Variants in TSC1 observed in about 807,000 individuals in gnomAD.
The protein encoded by TSC1 is TSC complex subunit 1, also known as hamartin.
A neutral mutation model predicts 124.3 loss-of-function variants in TSC1; 20 were observed. The observed-to-expected ratio is 0.16, with a 90% CI of 0.11 to 0.23. The LOEUF (loss-of-function observed/expected upper bound fraction) is 0.23. TSC1 is among the 10% of genes least tolerant of loss of function. The pLI is 1.00. For synonymous variants in TSC1, 493 were observed against 539.1 expected (o/e 0.91, Z 1.19); for missense variants, 1,124 against 1,448.5 (o/e 0.78, Z 3.64).
At chr9:132,901,788 G>C (rs1845387448) in intron 18 of TSC1, 89 bp from the exon 19 acceptor site, 4 of 1,148,058 alleles carry the variant, frequency 3.5e-6, no homozygotes, top group Admixed American at 3.5e-5. Context: ...AGAGGACTGG[G>C]AATGCCTTAG....
chr9:132,911,762 A>G (rs1371808700), intron 9 of TSC1, among the ~76,000 whole-genome samples, 194 bp from the exon 10 acceptor site: 1 of 152,134 alleles, frequency 6.6e-6, no homozygotes, highest in African/African-American at 2.4e-5. Flanking sequence ...GAGTTTCTCT[A>G]AATGCTCCTT....
chr9:132,916,973 T>C (rs1846297722), intron 8 of TSC1, among the ~76,000 whole-genome samples: 1 of 152,196 alleles, frequency 6.6e-6, no homozygotes, highest in Non-Finnish European at 1.5e-5. Flanking sequence ...AGGAAGGACA[T>C]ATGGGAAGGA....
At chr9:132,927,155 T>C (rs747930951) in intron 4 of TSC1, 46 bp downstream of exon 4, 10 of 1,579,888 alleles carry the variant, frequency 6.3e-6, no homozygotes, top group Non-Finnish European at 8.7e-6. Context: ...GAAGCTGTTG[T>C]ACTCATGAAG....
rs116518821 is a variant in TSC1 at position 132,902,571 on chromosome 9, C to A, written c.2391+34G>T. The A allele has an allele frequency of 1.2e-6, 2 of 1,612,814 alleles. No homozygotes were observed. The highest frequency in any genetic ancestry group is 1.1e-5 in the South Asian group (1 of 91,006). On this transcript the variant is annotated intron_variant, in intron 18 of 22. Transcript: ENST00000298552. This position sits in a 1 kb window ranked among gnomAD's most constrained non-coding sequence, Gnocchi z 5.2. ...CCTCCCCACTGCTCTCCGGCATTCT[C>A]GCAGTTGGCTTTGCCTGGTGCTGCA... is the stretch of plus-strand genomic sequence containing the variant.
At chr9:132,916,076 C>A (rs762173047) in intron 8 of TSC1, among the ~76,000 whole-genome samples, 13 of 152,194 alleles carry the variant, frequency 8.5e-5, no homozygotes, top group Non-Finnish European at 1.5e-4. Flanking sequence ...GTAATTTATG[C>A]ACTTACAGTA....
rs757329817 is a variant in TSC1 at position 132,902,811 on chromosome 9, C to A, written c.2209-24G>T. On this transcript the variant is annotated intron_variant, in intron 17 of 22. Transcript: ENST00000298552. This position sits in a 1 kb window ranked among gnomAD's most constrained non-coding sequence, Gnocchi z 5.2. ...TTCTAGCAGAGACCAGAAATGTCATCATTTTAGCTGTCTTCCAACACAGGC... is the reference window on the plus strand; with the variant it reads ...TTCTAGCAGAGACCAGAAATGTCATAATTTTAGCTGTCTTCCAACACAGGC... 3.0e-5 allele frequency: 48 copies of A among 1,612,348 alleles called. No individual in the cohort carries two copies. The Admixed American group carries it at 7.5e-4, about 25-fold the overall frequency.
intron 1 of TSC1, chr9:132,939,239 G>GTAGGA (rs1847616543): frequency 6.6e-6 from 1 of 152,202 alleles, no homozygotes; most frequent in Non-Finnish European, 1.5e-5. Flanking sequence ...TCTAAAAAGG[G>GTAGGA]TAAGATACTT....
chr9:132,903,716 G>T lies in TSC1; in HGVS notation c.2143C>A (p.Arg715=), dbSNP rs1564478519. ...ERFKRQQHAL[R]NRRLLRKVIK... ...ACCTTGCGGAGGAGCCGCCTGTTCC[G>T]GAGGGCATGCTGCTGCCTCTTAAAA... Residue 715 remains arginine (R), a synonymous_variant, in exon 17 of 23, where the codon CGG becomes AGG. Coordinates refer to ENST00000298552, the MANE Select transcript of TSC1 (RefSeq NM_000368.5). The surrounding 1 kb of genome is among the most constrained non-coding windows in gnomAD (Gnocchi z 5.9). 2.5e-6 allele frequency: 4 copies of T among 1,613,202 alleles called. No individual in the cohort carries two copies. The South Asian group carries it at 4.4e-5, about 18-fold the overall frequency.
chr9:132,912,139 G>A (rs113116241), intron 9 of TSC1, 143 bp downstream of exon 9: 141 of 927,210 alleles, frequency 1.5e-4, no homozygotes, highest in African/African-American at 1.3e-3. Flanking sequence ...AGAAAATGGA[G>A]GGACATGCAA....
At chr9:132,919,256 G>A (rs1846417341) in intron 8 of TSC1, among the ~76,000 whole-genome samples, 1 of 152,210 alleles carries the variant, frequency 6.6e-6, no homozygotes, top group Non-Finnish European at 1.5e-5. Context: ...TGACTGAAAT[G>A]TCATTATGTG....
At chr9:132,909,141 G>A (rs1845818427) in intron 12 of TSC1, among the ~76,000 whole-genome samples, 1 of 151,892 alleles carries the variant, frequency 6.6e-6, no homozygotes. Flanking sequence ...GACCTCAAGT[G>A]ATCCACCTGC....
rs911695413 is a variant in TSC1 at position 132,939,906 on chromosome 9, G to C, written c.-144+4637C>G. On this transcript the variant is annotated intron_variant, in intron 1 of 22. Coordinates refer to ENST00000298552, the MANE Select transcript of TSC1 (RefSeq NM_000368.5). ...CTAGATCTCGGAATTGGATACTTTG[G>C]GGGTGGGGCCTTCTAGGTAATTCTG... 3.9e-5 allele frequency among the ~76,000 whole-genome samples: 6 copies of C among 152,254 alleles called. No individual in the cohort carries two copies. In the South Asian group the frequency reaches 1.2e-3, roughly 32 times the overall value.
chr9:132,910,608 A>C lies in TSC1; in HGVS notation c.1226T>G (p.Ile409Ser), dbSNP rs1474143751. Residue 409 changes from isoleucine to serine, a missense_variant, in exon 12 of 23, where the codon ATT becomes AGT. By Grantham distance (142) the Ile-to-Ser change is moderately radical. Transcript: ENST00000298552. ...TGTGACTGTGGCCTGGGGGAGTGAA[A>C]TGTGCACGTAGTCATCCGAATGACA... ...PLCHSDDYVH[I>S]SLPQATVTPP... The C allele has an allele frequency of 6.2e-7, 1 of 1,613,956 alleles. No homozygotes were observed. The highest frequency in any genetic ancestry group is 1.3e-5 in the African/African-American group (1 of 74,896).
rs1346059974 is a variant in TSC1 at position 132,905,955 on chromosome 9, G to A, written c.1623C>T (p.Asp541=). Residue 541 remains aspartate, a synonymous_variant, in exon 15 of 23, where the codon GAC becomes GAT. Transcript: ENST00000298552. ...GCTTTGGTGTGTCAGGCCCAAGCTT[G>A]TCCAGGGAGGAGTGTAAAGGCTCAG... ...VNPEPLHSSL[D]KLGPDTPKQA... is the part of the protein sequence containing the mutation. 1 of 1,614,142 alleles carries A rather than the reference G, an allele frequency of 6.2e-7. No homozygotes were observed. Among genetic ancestry groups the A allele is most frequent in the Non-Finnish European group, 8.5e-7 (1 of 1,179,996 alleles).
intron 12 of TSC1, among the ~76,000 whole-genome samples, chr9:132,908,901 C>CCTTTTT (rs1845801735): frequency 8.2e-6 from 1 of 121,546 alleles, no homozygotes; most frequent in Non-Finnish European, 1.7e-5. Context: ...CTACCTTGCA[C>CCTTTTT]TTTTTTTTTT....
chr9:132,906,208 G>T lies in TSC1; in HGVS notation c.1439-69C>A. On this transcript the variant is annotated intron_variant, in intron 14 of 22. Transcript: ENST00000298552. This position sits in a 1 kb window ranked among gnomAD's most constrained non-coding sequence, Gnocchi z 4.1. ...CACCTGGGAAAGACTAGGCAGTTTG[G>T]GTGGCATGCTGCCACATGCCAGTGT... is the stretch of plus-strand genomic sequence containing the variant. The T allele has an allele frequency of 6.5e-7, 1 of 1,529,478 alleles. No homozygotes were observed. Among genetic ancestry groups the T allele is most frequent in the South Asian group, 1.2e-5 (1 of 84,842 alleles). The allele number at this position is 1,529,478 out of a possible 1,614,324, so 94.7% of individuals were successfully genotyped here. A position where few individuals can be genotyped will look rare whatever the true frequency, so the allele number is the denominator to read the frequency against.
chr9:132,912,512 A>G, intron 8 of TSC1, 55 bp from the exon 9 acceptor site: 1 of 1,604,510 alleles, frequency 6.2e-7, no homozygotes, highest in South Asian at 1.1e-5. Flanking sequence ...TGAATTAAAT[A>G]CTTCAGAGTG....
chr9:132,944,690 T>G (rs1847991778), upstream of TSC1: 1 of 398,312 alleles, frequency 2.5e-6, no homozygotes, highest in Non-Finnish European at 4.4e-6. Flanking sequence ...CCTCCGGACC[T>G]CCCCTCCTTC....
At position 132,894,747 on chromosome 9, in the gene TSC1, G is replaced by A. The variant is rs739442; in HGVS notation, c.*1488C>T. ...CATTCTCTCTGCTCGAGGCCTCCGT[G>A]GGCACTAAGATTTCGTACCGTGACA... On this transcript the variant is annotated 3_prime_UTR_variant, in exon 23 of 23. Transcript: ENST00000298552. 0.47 allele frequency: 102,812 copies of A among 217,942 alleles called. 28,141 individuals are homozygous for A. The highest frequency in any genetic ancestry group is 0.64 in the South Asian group (3,401 of 5,352). 13.5% of individuals were successfully genotyped at this position (217,942 alleles called of 1,614,324 possible). A position where few individuals can be genotyped will look rare whatever the true frequency, so the allele number is the denominator to read the frequency against.
Sources: gnomAD v4.1 joint callset for allele counts (sites outside exome capture counted in the v4.1 genomes callset) on GRCh38, gnomAD v4.1.1 for gene constraint, Gnocchi (gnomAD v3.1) non-coding constraint, MANE v1.5 for transcripts, NCBI Gene and HGNC (gene_info 2026-07-23, HGNC 2026-07-21) for gene names.